RNF38: variants seen among roughly 807,000 people sequenced by gnomAD.
The protein encoded by RNF38 is ring finger protein 38, also known as E3 ubiquitin-protein ligase RNF38.
RNF38 carries 15 observed loss-of-function variants against 67.2 expected under a neutral mutation model. The ratio of observed to expected loss-of-function variants is 0.22; its 90% CI spans 0.15 to 0.34. The LOEUF is 0.34. Among genes scored for constraint, RNF38 ranks in the 10% least tolerant of loss-of-function variants. RNF38 has a pLI of 1.00. For synonymous variants in RNF38, 220 were observed against 218.8 expected (o/e 1.01, Z -0.05); for missense variants, 524 against 639.9 (o/e 0.82, Z 1.95).
At chr9:36,444,957 C>T (rs2065608) in intron 1 of RNF38, among the ~76,000 whole-genome samples, 1,582 of 148,200 alleles carry the variant, frequency 0.011, 29 homozygotes, top group African/African-American at 0.037. Context: ...CAGTGATCGC[C>T]AGAGATTTCT....
intron 1 of RNF38, among the ~76,000 whole-genome samples, chr9:36,473,024 C>T (rs575905455): frequency 2.1e-4 from 32 of 152,064 alleles, no homozygotes; most frequent in Non-Finnish European, 3.7e-4. Flanking sequence ...CCCAGCTACT[C>T]GGGAGGCTGA....
intron 1 of RNF38, among the ~76,000 whole-genome samples, chr9:36,396,560 G>T (rs1181229340): frequency 6.6e-6 from 1 of 152,084 alleles, no homozygotes; most frequent in Non-Finnish European, 1.5e-5. Flanking sequence ...TGACAGTGTG[G>T]AGCAGGGGTA....
intron 5 of RNF38, 74 bp from the exon 6 acceptor site, chr9:36,356,547 A>G (rs1373653992): frequency 7.7e-7 from 1 of 1,293,592 alleles, no homozygotes; most frequent in East Asian, 2.5e-5. Context: ...AGTGAGATTA[A>G]AATCTGTCAT....
rs2133508966 is a variant in RNF38 at position 36,353,333 on chromosome 9, TGAG to T, written c.910-5_910-3del. 1.3e-6 allele frequency: 2 copies of T among 1,578,756 alleles called. No individual in the cohort carries two copies. The highest frequency in any genetic ancestry group is 1.9e-5 in the Admixed American group (1 of 51,672). ...TTCATTTTCTATCCTTTGCAGAGGCTGAGGAGGGGGAAAAAAAAACACATATAT... is the reference window on the plus strand; with the variant it reads ...TTCATTTTCTATCCTTTGCAGAGGCTGAGGGGGAAAAAAAAACACATATAT... On this transcript the variant is annotated splice_polypyrimidine_tract_variant and splice_region_variant and intron_variant, in intron 6 of 11. Coordinates refer to ENST00000259605, the MANE Select transcript of RNF38 (RefSeq NM_022781.5).
intron 1 of RNF38, among the ~76,000 whole-genome samples, chr9:36,397,175 G>C (rs1011332424): frequency 2.7e-5 from 4 of 149,076 alleles, no homozygotes; most frequent in Admixed American, 6.7e-5. Flanking sequence ...ATCCTGACTC[G>C]CACAATCCTG....
At chr9:36,394,469 A>C (rs1378130911) in intron 1 of RNF38, among the ~76,000 whole-genome samples, 2 of 152,228 alleles carry the variant, frequency 1.3e-5, no homozygotes, top group African/African-American at 4.8e-5. Context: ...TTATTGTACC[A>C]CAGTGAAAAA....
intron 1 of RNF38, among the ~76,000 whole-genome samples, chr9:36,467,680 C>T (rs572436592): frequency 6.6e-6 from 1 of 152,278 alleles, no homozygotes; most frequent in Admixed American, 6.5e-5. Context: ...TGTACACTTC[C>T]ATGCATCATC....
At chr9:36,484,678 A>G (rs1840359603) in intron 1 of RNF38, among the ~76,000 whole-genome samples, 1 of 152,162 alleles carries the variant, frequency 6.6e-6, no homozygotes, top group African/African-American at 2.4e-5. Context: ...ATTTAATACT[A>G]TCACCACATA....
intron 3 of RNF38, among the ~76,000 whole-genome samples, chr9:36,373,586 G>GC (rs1162568993): frequency 3.2e-5 from 4 of 124,932 alleles, no homozygotes; most frequent in South Asian, 2.7e-4. Context: ...GTATTTGTTA[G>GC]CCCTTTTTTT....
At chr9:36,399,725 T>C (rs1050687643) in intron 1 of RNF38, among the ~76,000 whole-genome samples, 6 of 152,106 alleles carry the variant, frequency 3.9e-5, no homozygotes, top group Non-Finnish European at 5.9e-5. Context: ...CGGTGTTCCC[T>C]GAAGATAGGA....
chr9:36,394,010 C>T (rs556858557), intron 1 of RNF38, among the ~76,000 whole-genome samples: 5 of 152,188 alleles, frequency 3.3e-5, no homozygotes, highest in Non-Finnish European at 7.4e-5. Flanking sequence ...GGTACAGTGG[C>T]TCACGCCTGT....
chr9:36,350,154 A>G (rs1282159156), intron 9 of RNF38, among the ~76,000 whole-genome samples: 1 of 151,952 alleles, frequency 6.6e-6, no homozygotes, highest in Non-Finnish European at 1.5e-5. Context: ...TCCTTCCCCC[A>G]TTGTGTTTTC....
chr9:36,424,349 A>C (rs534407240), intron 2 of RNF38, among the ~76,000 whole-genome samples: 2 of 152,186 alleles, frequency 1.3e-5, no homozygotes, highest in Non-Finnish European at 2.9e-5. Flanking sequence ...GCAGAAGAGG[A>C]AGCACCACGA....
At chr9:36,346,644 T>C (rs898589386) in intron 9 of RNF38, among the ~76,000 whole-genome samples, 1 of 152,212 alleles carries the variant, frequency 6.6e-6, no homozygotes. Flanking sequence ...TAACAAATAA[T>C]GACAGATGAG....
intron 1 of RNF38, among the ~76,000 whole-genome samples, chr9:36,428,021 C>T (rs1231836132): frequency 6.6e-6 from 1 of 151,496 alleles, no homozygotes. Flanking sequence ...AATTTCTCAG[C>T]TCCTAAAACT....
At chr9:36,365,412 C>T (rs1554681746) in intron 4 of RNF38, among the ~76,000 whole-genome samples, 1 of 151,520 alleles carries the variant, frequency 6.6e-6, no homozygotes, top group Non-Finnish European at 1.5e-5. Flanking sequence ...ACTAAAAATA[C>T]AAAAAATCAG....
chr9:36,441,802 C>T (rs1226501337), intron 1 of RNF38, among the ~76,000 whole-genome samples: 1 of 152,082 alleles, frequency 6.6e-6, no homozygotes, highest in Non-Finnish European at 1.5e-5. Context: ...CACCTCAAGT[C>T]CATCTAAATT....
chr9:36,413,134 C>A lies in RNF38; in HGVS notation n.312+11479G>T, dbSNP rs117285191. Among the ~76,000 whole-genome samples the A allele has an allele frequency of 2.6e-3, 398 of 151,428 alleles. 11 individuals carry two copies. The East Asian group carries it at 0.063, about 24-fold the overall frequency. On this transcript the variant is annotated intron_variant and non_coding_transcript_variant, in intron 2 of 3. Coordinates refer to the RNF38 transcript ENST00000488058. Reference sequence around the variant, plus strand: ...ATCCCAGCTACTAGGGAGGCAGAGGCAGGAGACTCATTTGAACCTGGGGGG... The same window carrying A: ...ATCCCAGCTACTAGGGAGGCAGAGGAAGGAGACTCATTTGAACCTGGGGGG...
chr9:36,472,171 A>G (rs931882436), intron 1 of RNF38, among the ~76,000 whole-genome samples: 13 of 152,270 alleles, frequency 8.5e-5, no homozygotes, highest in African/African-American at 3.1e-4. Flanking sequence ...GCCACCAAAC[A>G]TATCAATCTC....
Sources: gnomAD v4.1 joint callset for allele counts (sites outside exome capture counted in the v4.1 genomes callset) on GRCh38, gnomAD v4.1.1 for gene constraint, MANE v1.5 for transcripts, NCBI Gene and HGNC (gene_info 2026-07-23, HGNC 2026-07-21) for gene names.